The following ABCA6 variants were observed in gnomAD, a reference collection of about 807,000 sequenced individuals.
ABCA6 encodes ATP-binding cassette sub-family A member 6.
ABCA6 carries 164 observed loss-of-function variants against 191.2 expected under a neutral mutation model. The ratio of observed to expected loss-of-function variants is 0.86; its 90% CI spans 0.76 to 0.98. The LOEUF (loss-of-function observed/expected upper bound fraction) is 0.98. Ranked by LOEUF, ABCA6 falls within the 50% of genes least tolerant of loss-of-function variation. The pLI is 0.00. For missense variants in ABCA6, 1,958 were observed against 1,894.1 expected (o/e 1.03, Z -0.63); for synonymous variants, 636 against 647.7 (o/e 0.98, Z 0.27).
intron 29 of ABCA6, 86 bp from the exon 30 acceptor site, chr17:69,086,821 C>A (rs740516): frequency 1.3e-6 from 1 of 792,036 alleles, no homozygotes; most frequent in Middle Eastern, 2.4e-4. Context: ...ATGTCATAAG[C>A]CAAACCATAT....
rs2074027379 is a variant in ABCA6, at chr17:69,141,877, C to G, written c.-178G>C. ...TAAATGGGTGCCTACTCCAGCAGCT[C>G]TTACACAGCCTGGTTTCTGAAAAGG... On this transcript the variant is annotated 5_prime_UTR_variant, in exon 1 of 39. Coordinates refer to ENST00000284425, the MANE Select transcript of ABCA6 (RefSeq NM_080284.3). 6.6e-6 allele frequency: 1 copy of G among 152,062 alleles called. No homozygotes were observed. The highest frequency in any genetic ancestry group is 6.6e-5 in the Admixed American group (1 of 15,220). The allele number at this position is 152,062 out of a possible 1,614,324, so 9.4% of individuals were successfully genotyped here.
intron 22 of ABCA6, among the ~76,000 whole-genome samples, chr17:69,099,111 G>T (rs1433420944): frequency 6.6e-6 from 1 of 151,768 alleles, no homozygotes; most frequent in Non-Finnish European, 1.5e-5. Flanking sequence ...AAAACTTGTT[G>T]CTGCTTGTCT....
At chr17:69,125,774 G>A (rs983340920) in intron 8 of ABCA6, among the ~76,000 whole-genome samples, 1 of 152,002 alleles carries the variant, frequency 6.6e-6, no homozygotes, top group African/African-American at 2.4e-5. Flanking sequence ...ATCCAAAATT[G>A]AGTCAACATT....
At chr17:69,133,522 A>G (rs1271537315) in intron 6 of ABCA6, 119 bp downstream of exon 6, 2 of 768,536 alleles carry the variant, frequency 2.6e-6, no homozygotes, top group Non-Finnish European at 4.1e-6. Context: ...AACTCAGAAC[A>G]AAAGAAAAAG....
intron 20 of ABCA6, 100 bp downstream of exon 20, chr17:69,105,362 C>T (rs1448693050): frequency 8.7e-7 from 1 of 1,143,662 alleles, no homozygotes; most frequent in Non-Finnish European, 1.2e-6. Flanking sequence ...TTTAAATACC[C>T]ATTTTCTTCT....
Position 69,100,810 on chromosome 17 carries a change from C to A in ABCA6, c.2999G>T (p.Ser1000Ile). The change falls in exon 22 of 39, where the codon AGC (serine) becomes ATC (isoleucine). Residue 1000 changes from serine (S) to isoleucine (I), a missense_variant. Transcript: ENST00000284425. ...TCCAATACTTACAAGAGGAAATGGG[C>A]TTGACTCAATTCGAATATGTTGTGT... Reference protein sequence around the residue: ...NHTQHIRIESSPFPLSHIGLW... With the variant: ...NHTQHIRIESIPFPLSHIGLW... 1 of 1,609,554 alleles carries A rather than the reference C, an allele frequency of 6.2e-7. No individual in the cohort carries two copies. Among genetic ancestry groups the A allele is most frequent in the Admixed American group, 1.7e-5 (1 of 59,378 alleles).
chr17:69,127,397 G>A (rs768472635), intron 8 of ABCA6, among the ~76,000 whole-genome samples: 1 of 152,038 alleles, frequency 6.6e-6, no homozygotes, highest in Non-Finnish European at 1.5e-5. Context: ...TGTTCAACAT[G>A]TATAAGGAAT....
chr17:69,108,659 G>A (rs2073355640), intron 17 of ABCA6: 1 of 152,164 alleles, frequency 6.6e-6, no homozygotes, highest in Non-Finnish European at 1.5e-5. Flanking sequence ...CAGGATTCTA[G>A]AAGACTCTTA....
chr17:69,111,892 G>C (rs555425528), intron 16 of ABCA6: 1 of 233,480 alleles, frequency 4.3e-6, no homozygotes, highest in Non-Finnish European at 8.2e-6. Flanking sequence ...GAAAATGTGG[G>C]TAGGAAGCAG....
intron 6 of ABCA6, among the ~76,000 whole-genome samples, chr17:69,132,533 T>C (rs2073882284): frequency 6.6e-6 from 1 of 152,194 alleles, no homozygotes; most frequent in South Asian, 2.1e-4. Flanking sequence ...CAGGCTGGAG[T>C]GCAGTAGCAC....
At chr17:69,107,875 T>C in intron 17 of ABCA6, 63 bp from the exon 18 acceptor site, 1 of 933,804 alleles carries the variant, frequency 1.1e-6, no homozygotes, top group East Asian at 2.6e-5. Context: ...ACCAAGTAAA[T>C]TAATACTTAT....
At chr17:69,082,206 C>A (rs2072652482) in intron 36 of ABCA6, among the ~76,000 whole-genome samples, 1 of 152,104 alleles carries the variant, frequency 6.6e-6, no homozygotes, top group Non-Finnish European at 1.5e-5. Flanking sequence ...TTACACTGTG[C>A]TAAAATAAAA....
In ABCA6 at chr17:69,140,680, C is replaced by T. The variant is rs2144731755; in HGVS notation, c.24G>A (p.Val8=). The T allele has an allele frequency of 1.3e-6, 2 of 1,598,020 alleles. No individual in the cohort carries two copies. The highest frequency in any genetic ancestry group is 4.6e-5 in the East Asian group (2 of 43,834). MNMKQKS[V]YQQTKALLCK... ...ACAGAAGTGCTTTGGTTTGCTGATA[C>T]ACGCTTTTCTGTTTCATATTCATTT... Residue 8 remains valine, a synonymous_variant, in exon 2 of 39, where the codon GTG becomes GTA. Coordinates refer to ENST00000284425, the MANE Select transcript of ABCA6 (RefSeq NM_080284.3).
At chr17:69,112,079 T>C in intron 16 of ABCA6, 104 bp downstream of exon 16, 1 of 824,468 alleles carries the variant, frequency 1.2e-6, no homozygotes, top group Non-Finnish European at 2.1e-6. Context: ...CAATCCAGTA[T>C]GGTAGAGATG....
intron 25 of ABCA6, among the ~76,000 whole-genome samples, chr17:69,095,812 T>C (rs2073033173): frequency 6.6e-6 from 1 of 152,262 alleles, no homozygotes; most frequent in South Asian, 2.1e-4. Context: ...GACAAGCTCT[T>C]TACTTTTATA....
intron 26 of ABCA6, 115 bp from the exon 27 acceptor site, chr17:69,089,657 CTTT>C: frequency 1.2e-6 from 1 of 854,542 alleles, no homozygotes; most frequent in South Asian, 1.9e-5. Context: ...ATCTCAATTT[CTTT>C]GTGTGCACTA....
At chr17:69,103,733 C>A (rs552626362) in intron 20 of ABCA6, among the ~76,000 whole-genome samples, 2 of 152,018 alleles carry the variant, frequency 1.3e-5, no homozygotes, top group African/African-American at 4.8e-5. Context: ...GAAAAGATGA[C>A]CCGTCAGGCC....
intron 10 of ABCA6, among the ~76,000 whole-genome samples, chr17:69,118,590 TA>T (rs1186194152): frequency 6.6e-6 from 1 of 152,098 alleles, no homozygotes; most frequent in Non-Finnish European, 1.5e-5. Flanking sequence ...CTCCTAATTA[TA>T]AAATACAACA....
intron 18 of ABCA6, 142 bp from the exon 19 acceptor site, chr17:69,106,353 G>T: frequency 1.2e-6 from 1 of 834,092 alleles, no homozygotes; most frequent in Non-Finnish European, 1.7e-6. Flanking sequence ...AGTACTCTGG[G>T]AGACCAAGGT....
Sources: gnomAD v4.1 joint callset for allele counts (sites outside exome capture counted in the v4.1 genomes callset) on GRCh38, gnomAD v4.1.1 for gene constraint, MANE v1.5 for transcripts, NCBI Gene and HGNC (gene_info 2026-07-23, HGNC 2026-07-21) for gene names.